MTCL2: variants seen among roughly 807,000 people sequenced by gnomAD.
MTCL2 encodes microtubule cross-linking factor 2.
the MTCL2 span, among the ~76,000 whole-genome samples, chr20:36,848,626 G>A: frequency 6.6e-6 from 1 of 152,188 alleles, no homozygotes; most frequent in Non-Finnish European, 1.5e-5. Flanking sequence ...CACAGGGAAG[G>A]TGGGTGGTGC....
the MTCL2 span, chr20:36,815,372 A>G: frequency 6.2e-7 from 1 of 1,613,642 alleles, no homozygotes; most frequent in African/African-American, 1.3e-5. The surrounding 1 kb of genome is among the most constrained non-coding windows in gnomAD (Gnocchi z 5.3). Context: ...GCCGGAAGTC[A>G]GCACACTCGT....
chr20:36,815,468 C>T, the MTCL2 span: 10 of 1,602,724 alleles, frequency 6.2e-6, no homozygotes, highest in African/African-American at 1.2e-4. The surrounding 1 kb of genome is among the most constrained non-coding windows in gnomAD (Gnocchi z 5.3). Context: ...GGGCGGCCTG[C>T]TCTCTCAGCC....
chr20:36,788,237 C>G, the MTCL2 span, among the ~76,000 whole-genome samples: 1 of 148,878 alleles, frequency 6.7e-6, no homozygotes, highest in African/African-American at 2.5e-5. Context: ...CTGGGCTGGG[C>G]CATGTGGGAG....
At chr20:36,863,059 G>T in the MTCL2 span, 1 of 1,407,438 alleles carries the variant, frequency 7.1e-7, no homozygotes. This position sits in a 1 kb window ranked among gnomAD's most constrained non-coding sequence, Gnocchi z 6.2. Flanking sequence ...CCCTTGGCAC[G>T]GACCCCGGTG....
At chr20:36,799,790 C>A in the MTCL2 span, among the ~76,000 whole-genome samples, 1 of 152,182 alleles carries the variant, frequency 6.6e-6, no homozygotes, top group Non-Finnish European at 1.5e-5. Context: ...GAGATGAAGA[C>A]CATAGAATCA....
the MTCL2 span, chr20:36,829,246 A>G: frequency 1.3e-6 from 2 of 1,563,576 alleles, no homozygotes; most frequent in South Asian, 1.2e-5. Context: ...GGATGTGAGC[A>G]GGCTGAGGAG....
the MTCL2 span, chr20:36,816,094 G>A: frequency 6.2e-7 from 1 of 1,613,562 alleles, no homozygotes; most frequent in Non-Finnish European, 8.5e-7. Flanking sequence ...ACCAGCTTCA[G>A]GTGCACCTTC....
At chr20:36,802,677 T>C in the MTCL2 span, among the ~76,000 whole-genome samples, 1 of 152,218 alleles carries the variant, frequency 6.6e-6, no homozygotes, top group Non-Finnish European at 1.5e-5. Flanking sequence ...AAGAAAAATC[T>C]AGTTCCCACT....
chr20:36,785,023 G>C, the MTCL2 span: 68 of 985,422 alleles, frequency 6.9e-5, no homozygotes, highest in African/African-American at 1.1e-3. Context: ...AAATGAGACA[G>C]GCAATGGAGA....
the MTCL2 span, among the ~76,000 whole-genome samples, chr20:36,792,620 G>A: frequency 6.6e-6 from 1 of 152,184 alleles, no homozygotes; most frequent in South Asian, 2.1e-4. Flanking sequence ...GAGCAGTAAG[G>A]CCCCTTCCCT....
chr20:36,783,913 C>G, the MTCL2 span: 2 of 985,466 alleles, frequency 2.0e-6, no homozygotes, highest in Non-Finnish European at 2.4e-6. Flanking sequence ...CATCCAGCCC[C>G]ACGTCCAGAG....
At chr20:36,788,732 C>T in the MTCL2 span, among the ~76,000 whole-genome samples, 1 of 152,166 alleles carries the variant, frequency 6.6e-6, no homozygotes, top group South Asian at 2.1e-4. Context: ...GCTGTGTGAC[C>T]TTGGGAGATT....
At chr20:36,857,015 C>T in the MTCL2 span, among the ~76,000 whole-genome samples, 29 of 152,170 alleles carry the variant, frequency 1.9e-4, no homozygotes, top group Non-Finnish European at 3.5e-4. Context: ...CTGTAAGCCT[C>T]GGGTAGGTGT....
At chr20:36,794,603 C>A in the MTCL2 span, 1 of 1,613,910 alleles carries the variant, frequency 6.2e-7, no homozygotes, top group Non-Finnish European at 8.5e-7. This position sits in a 1 kb window ranked among gnomAD's most constrained non-coding sequence, Gnocchi z 5.4. Context: ...TTTGGTTCTG[C>A]GAAGGACAGA....
At chr20:36,828,325 C>T in the MTCL2 span, among the ~76,000 whole-genome samples, 1 of 152,164 alleles carries the variant, frequency 6.6e-6, no homozygotes, top group Admixed American at 6.5e-5. Context: ...TTGAGGTTGT[C>T]CCTCCCTCTC....
chr20:36,810,111 T>A, the MTCL2 span: 6 of 1,591,704 alleles, frequency 3.8e-6, no homozygotes, highest in Non-Finnish European at 5.1e-6. Flanking sequence ...CCTTGATCTG[T>A]GGTACAGACA....
At chr20:36,803,240 C>A in the MTCL2 span, 15 of 1,325,954 alleles carry the variant, frequency 1.1e-5, no homozygotes, top group South Asian at 2.1e-4. Context: ...TAGGGACTAA[C>A]CCAGCTTAGT....
At chr20:36,815,805 T>G in the MTCL2 span, 8 of 1,593,354 alleles carry the variant, frequency 5.0e-6, no homozygotes, top group African/African-American at 1.1e-4. This position sits in a 1 kb window ranked among gnomAD's most constrained non-coding sequence, Gnocchi z 5.3. Flanking sequence ...CGAGCGGAAC[T>G]TGGCCAGCTC....
At chr20:36,816,155 C>A in the MTCL2 span, 32 of 1,613,646 alleles carry the variant, frequency 2.0e-5, no homozygotes, top group Middle Eastern at 1.6e-4. Context: ...CGGCTGACAG[C>A]GCGCTGTCCA....
Sources: gnomAD v4.1 joint callset for allele counts (sites outside exome capture counted in the v4.1 genomes callset) on GRCh38, gnomAD v4.1.1 for gene constraint, Gnocchi (gnomAD v3.1) non-coding constraint, MANE v1.5 for transcripts, NCBI Gene and HGNC (gene_info 2026-07-23, HGNC 2026-07-21) for gene names.